Variants in MCC observed in about 807,000 individuals in gnomAD.
MCC encodes the protein colorectal mutant cancer protein.
Under a neutral mutation model 116.2 loss-of-function variants are expected in MCC, and 90 were observed. The observed-to-expected ratio is 0.77, with a 90% CI of 0.65 to 0.92. MCC has a LOEUF of 0.92. Among genes scored for constraint, MCC ranks in the 40% least tolerant of loss-of-function variants. The probability of loss-of-function intolerance (pLI) is 0.00; values close to 1 mark genes in which losing one functional copy is unlikely to be tolerated. For missense variants in MCC, 1,516 were observed against 1,312.2 expected (o/e 1.16, Z -2.40); for synonymous variants, 578 against 510.5 (o/e 1.13, Z -1.78).
intron 8 of MCC, among the ~76,000 whole-genome samples, chr5:113,087,191 T>C (rs911442559): frequency 2.0e-5 from 3 of 152,218 alleles, no homozygotes; most frequent in African/African-American, 7.2e-5. Context: ...CCTGCTAACT[T>C]GGGAACCAAA....
chr5:113,061,371 G>A (rs1186367355), intron 14 of MCC, among the ~76,000 whole-genome samples: 1 of 152,202 alleles, frequency 6.6e-6, no homozygotes, highest in African/African-American at 2.4e-5. Context: ...TGAACTGTGA[G>A]GCCTGCCACA....
At chr5:113,059,892 C>A (rs1753099451) in intron 14 of MCC, among the ~76,000 whole-genome samples, 1 of 152,218 alleles carries the variant, frequency 6.6e-6, no homozygotes, top group African/African-American at 2.4e-5. Flanking sequence ...CTGTTCAAAC[C>A]AGCTATCGAC....
chr5:113,079,695 C>T (rs1001320979), intron 11 of MCC, among the ~76,000 whole-genome samples: 5 of 152,250 alleles, frequency 3.3e-5, no homozygotes, highest in African/African-American at 9.6e-5. Flanking sequence ...GACCTAAAAC[C>T]GTAAAACCTC....
At chr5:113,315,752 C>T (rs1169610286) in intron 3 of MCC, among the ~76,000 whole-genome samples, 1 of 149,580 alleles carries the variant, frequency 6.7e-6, no homozygotes, top group African/African-American at 2.5e-5. Context: ...TGGTGTGCAT[C>T]TGTAGTCCCA....
chr5:113,248,595 A>G (rs1037980189), intron 3 of MCC, among the ~76,000 whole-genome samples: 1 of 152,130 alleles, frequency 6.6e-6, no homozygotes, highest in East Asian at 1.9e-4. Flanking sequence ...CTGCTTCCCA[A>G]ATTTCCCTAG....
intron 3 of MCC, among the ~76,000 whole-genome samples, chr5:113,237,128 G>C (rs138448955): frequency 6.6e-6 from 1 of 152,196 alleles, no homozygotes. Context: ...TACGCCTTCA[G>C]GGAATAAATC....
At chr5:113,414,309 G>T (rs1770081289) in intron 1 of MCC, among the ~76,000 whole-genome samples, 1 of 152,144 alleles carries the variant, frequency 6.6e-6, no homozygotes, top group Admixed American at 6.5e-5. Context: ...CTGAGTTCAA[G>T]TCCTGAATAT....
chr5:113,058,171 T>C (rs1278106507), intron 14 of MCC, among the ~76,000 whole-genome samples: 4 of 152,198 alleles, frequency 2.6e-5, no homozygotes, highest in Admixed American at 6.5e-5. Flanking sequence ...GAAATATAAA[T>C]TTATACTTGA....
At chr5:113,043,401 C>T in intron 17 of MCC, 129 bp downstream of exon 17, 2 of 853,216 alleles carry the variant, frequency 2.3e-6, no homozygotes, top group Non-Finnish European at 3.8e-6. Context: ...TTCTCCATTT[C>T]TGGCTTCCAA....
intron 1 of MCC, among the ~76,000 whole-genome samples, chr5:113,419,232 G>A (rs1045550157): frequency 2.7e-5 from 4 of 150,910 alleles, no homozygotes; most frequent in Non-Finnish European, 5.9e-5. Flanking sequence ...GTGCAGCGGC[G>A]CTATCATAGC....
At chr5:113,219,441 G>T (rs947999502) in intron 3 of MCC, among the ~76,000 whole-genome samples, 2 of 152,126 alleles carry the variant, frequency 1.3e-5, no homozygotes, top group African/African-American at 2.4e-5. Flanking sequence ...AACCACAAAT[G>T]TATCTAAAAA....
intron 1 of MCC, among the ~76,000 whole-genome samples, chr5:113,480,398 T>A (rs148507093): frequency 2.6e-5 from 4 of 152,258 alleles, no homozygotes; most frequent in Non-Finnish European, 5.9e-5. Flanking sequence ...ACTTCTAAGA[T>A]GCACAGTTTA....
intron 1 of MCC, among the ~76,000 whole-genome samples, chr5:113,418,827 C>T (rs1468158332): frequency 2.0e-5 from 3 of 152,110 alleles, no homozygotes; most frequent in Non-Finnish European, 2.9e-5. Flanking sequence ...TATTTCCTGA[C>T]AAGTTGCAGA....
At chr5:113,250,112 T>C (rs370538067) in intron 3 of MCC, among the ~76,000 whole-genome samples, 6 of 152,194 alleles carry the variant, frequency 3.9e-5, no homozygotes, top group East Asian at 1.9e-4. Flanking sequence ...TTGCTTCCCA[T>C]AGTGTCTGAG....
At chr5:113,109,069 C>A (rs1756925806) in intron 6 of MCC, among the ~76,000 whole-genome samples, 1 of 152,236 alleles carries the variant, frequency 6.6e-6, no homozygotes, top group African/African-American at 2.4e-5. Context: ...CCAGCATCCA[C>A]ATGGCTCCAG....
At chr5:113,308,568 A>ATTATTGGCC (rs1767051739) in intron 3 of MCC, among the ~76,000 whole-genome samples, 1 of 152,136 alleles carries the variant, frequency 6.6e-6, no homozygotes, top group Admixed American at 6.5e-5. Context: ...CATGCCAATA[A>ATTATTGGCC]TCCCACCACT....
chr5:113,470,115 T>A (rs1467814124), intron 1 of MCC, among the ~76,000 whole-genome samples: 1 of 151,860 alleles, frequency 6.6e-6, no homozygotes, highest in Non-Finnish European at 1.5e-5. Context: ...AGCACACTGA[T>A]GGGTCTTGAC....
intron 12 of MCC, among the ~76,000 whole-genome samples, chr5:113,068,961 G>A (rs1351111277): frequency 6.6e-6 from 1 of 152,170 alleles, no homozygotes; most frequent in Non-Finnish European, 1.5e-5. Context: ...ACAACAATAG[G>A]TAGCTGATAT....
intron 3 of MCC, among the ~76,000 whole-genome samples, chr5:113,156,961 A>C (rs531412763): frequency 6.6e-6 from 1 of 152,300 alleles, no homozygotes; most frequent in Admixed American, 6.5e-5. Context: ...CCCTGAGCCC[A>C]GGTAAGAAGT....
Sources: gnomAD v4.1 joint callset for allele counts (sites outside exome capture counted in the v4.1 genomes callset) on GRCh38, gnomAD v4.1.1 for gene constraint, MANE v1.5 for transcripts, NCBI Gene and HGNC (gene_info 2026-07-23, HGNC 2026-07-21) for gene names.